The following PTPN21 variants were observed in gnomAD, a reference collection of about 807,000 sequenced individuals.
The protein encoded by PTPN21 is protein tyrosine phosphatase non-receptor type 21.
In PTPN21, 77 loss-of-function variants were observed where a neutral mutation model predicts 131.8. The ratio of observed to expected loss-of-function variants is 0.58; its 90% CI spans 0.49 to 0.71. The LOEUF (loss-of-function observed/expected upper bound fraction) is 0.71, where lower values mean the gene tolerates loss of function less well. Among genes scored for constraint, PTPN21 ranks in the 30% least tolerant of loss-of-function variants. The pLI is 0.00. For missense variants in PTPN21, 1,552 were observed against 1,527.1 expected, an observed-to-expected ratio of 1.02 and a Z score of -0.27; for synonymous variants, 715 against 621.3, an observed-to-expected ratio of 1.15 and a Z score of -2.24.
chr14:88,542,285 A>G (rs2078718021), intron 2 of PTPN21, among the ~76,000 whole-genome samples: 1 of 152,250 alleles, frequency 6.6e-6, no homozygotes, highest in Non-Finnish European at 1.5e-5. Flanking sequence ...CAAAGCTTCT[A>G]GAGATATTAG....
At chr14:88,475,622 G>A (rs2077537966) in intron 13 of PTPN21, among the ~76,000 whole-genome samples, 1 of 152,300 alleles carries the variant, frequency 6.6e-6, no homozygotes, top group East Asian at 1.9e-4. Context: ...TGATGTGCTG[G>A]TAATATTTAA....
At chr14:88,498,871 T>C (rs2077965168) in intron 8 of PTPN21, among the ~76,000 whole-genome samples, 3 of 151,274 alleles carry the variant, frequency 2.0e-5, no homozygotes, top group Admixed American at 6.7e-5. Context: ...AAAGAAAAAA[T>C]TATGGAAGAA....
At chr14:88,515,674 TC>T (rs1436363994) in intron 3 of PTPN21, among the ~76,000 whole-genome samples, 1 of 152,168 alleles carries the variant, frequency 6.6e-6, no homozygotes, top group African/African-American at 2.4e-5. Flanking sequence ...CTGTTCAAGT[TC>T]CCCTTGCCCC....
intron 10 of PTPN21, among the ~76,000 whole-genome samples, chr14:88,487,320 C>CAAAA (rs1367623352): frequency 6.6e-6 from 1 of 152,112 alleles, no homozygotes; most frequent in Non-Finnish European, 1.5e-5. Context: ...CACATAATCA[C>CAAAA]TGATTACAAA....
chr14:88,540,788 G>T (rs1008741710), intron 2 of PTPN21, among the ~76,000 whole-genome samples: 5 of 152,074 alleles, frequency 3.3e-5, no homozygotes, highest in Non-Finnish European at 5.9e-5. Context: ...TCAGCCTCTA[G>T]AGTAGCTGGA....
In PTPN21 at chr14:88,479,300, T is replaced by G. The variant is rs768953998; in HGVS notation, c.2131A>C (p.Ser711Arg). 6.2e-6 allele frequency: 10 copies of G among 1,613,328 alleles called. No individual in the cohort carries two copies. Among genetic ancestry groups the G allele is most frequent in the Non-Finnish European group, 8.5e-6 (10 of 1,179,558 alleles). Residue 711 changes from serine (S) to arginine (R), a missense_variant, in exon 13 of 19, where the codon AGC becomes CGC. Ser to Arg is a moderately radical substitution (Grantham distance 110). Transcript: ENST00000556564. ...AAGTCCTCGTCCTCCTCCTCCTCGC[T>G]GCTGTGGATTAGCATGGTGGCGTCC... ...LSDATMLIHSSEEEEDEDFEE... is the reference protein window; with the variant it reads ...LSDATMLIHSREEEEDEDFEE...
At chr14:88,538,988 T>A (rs2078666939) in intron 2 of PTPN21, among the ~76,000 whole-genome samples, 1 of 152,204 alleles carries the variant, frequency 6.6e-6, no homozygotes, top group South Asian at 2.1e-4. Flanking sequence ...CTTTAAACAG[T>A]ATAAAATTTC....
chr14:88,546,501 G>A (rs1454006287), intron 2 of PTPN21, among the ~76,000 whole-genome samples: 9 of 151,190 alleles, frequency 6.0e-5, no homozygotes, highest in African/African-American at 9.7e-5. Context: ...GCTTGGACCC[G>A]GGAGGCAGAG....
intron 10 of PTPN21, among the ~76,000 whole-genome samples, chr14:88,488,676 C>T (rs1054382909): frequency 3.3e-5 from 5 of 152,120 alleles, no homozygotes; most frequent in Admixed American, 1.3e-4. Context: ...CTGAGCCAGG[C>T]GTGGTGGCAC....
At chr14:88,468,417 A>G (rs2077400261) in intron 18 of PTPN21, 152 bp from the exon 19 acceptor site, 1 of 726,112 alleles carries the variant, frequency 1.4e-6, no homozygotes, top group Non-Finnish European at 2.2e-6. Context: ...ATGATTGCCT[A>G]CTTCTGATTT....
At chr14:88,502,197 C>T (rs2078019788) in intron 6 of PTPN21, among the ~76,000 whole-genome samples, 4 of 152,212 alleles carry the variant, frequency 2.6e-5, no homozygotes, top group Admixed American at 2.0e-4. Context: ...CGATGCTCCC[C>T]GCTGTCCTCA....
rs763057906 is a variant in PTPN21, at chr14:88,479,834, C to G, written c.1597G>C (p.Val533Leu). ...PYPYPAERRP[V>L]VGAVSVPELT... ...TCCGGCACGCTGACCGCGCCCACCACGGGCCGCCGCTCGGCAGGGTAGGGG... is the reference window on the plus strand; with the variant it reads ...TCCGGCACGCTGACCGCGCCCACCAGGGGCCGCCGCTCGGCAGGGTAGGGG... Residue 533 changes from valine to leucine, a missense_variant, in exon 13 of 19, where the codon GTG (valine) becomes CTG (leucine). By Grantham distance (32) the Val-to-Leu change is conservative. Around this residue, in one of 4 missense-constraint regions of PTPN21, gnomAD observed 1,016 missense variants for 883.5 expected, o/e 1.15. Coordinates refer to ENST00000556564, the MANE Select transcript of PTPN21 (RefSeq NM_007039.4). 2 of 1,551,284 alleles carry G rather than the reference C, an allele frequency of 1.3e-6. No homozygotes were observed. Among genetic ancestry groups the G allele is most frequent in the Non-Finnish European group, 1.7e-6 (2 of 1,153,906 alleles).
intron 2 of PTPN21, among the ~76,000 whole-genome samples, chr14:88,535,387 C>T (rs2078615398): frequency 6.6e-6 from 1 of 152,200 alleles, no homozygotes; most frequent in Non-Finnish European, 1.5e-5. Context: ...ATAGCTGCCA[C>T]TAGCATGGTG....
rs960577460 is a variant in PTPN21, at chr14:88,479,201, G to A, written c.2230C>T (p.Pro744Ser). ...EPRPGLAQDP[P>S]GCPRVLLAGP... The stretch of plus-strand genomic sequence containing the variant: ...GCGAGCAGGACGCGAGGGCAGCCAG[G>A]TGGGTCCTGGGCCAGGCCGGGCCGA... The change falls in exon 13 of 19, where the codon CCT becomes TCT. Residue 744 changes from proline to serine, a missense_variant. Coordinates refer to ENST00000556564, the MANE Select transcript of PTPN21 (RefSeq NM_007039.4). 6.3e-7 allele frequency: 1 copy of A among 1,579,908 alleles called. No individual in the cohort carries two copies. Among genetic ancestry groups the A allele is most frequent in the Non-Finnish European group, 8.6e-7 (1 of 1,164,878 alleles).
At chr14:88,487,143 T>C (rs1595360945) in intron 10 of PTPN21, among the ~76,000 whole-genome samples, 1 of 143,942 alleles carries the variant, frequency 6.9e-6, no homozygotes, top group African/African-American at 2.7e-5. Context: ...TAACTATTGT[T>C]TTCAAATAAA....
Position 88,550,215 on chromosome 14 carries a change from T to G in PTPN21, c.180+23A>C, listed in dbSNP as rs766778784. 16 of 1,606,566 alleles carry G rather than the reference T, an allele frequency of 1.0e-5. No individual in the cohort carries two copies. In the African/African-American group the frequency reaches 1.3e-4, roughly 13 times the overall value. ...AGGCTTGAGCCACCCGCGCCTGGCC[T>G]GCAGTGTCTTTAGGTGGCTTACCTC... On this transcript the variant is annotated intron_variant, in intron 2 of 18. Transcript: ENST00000556564.
intron 9 of PTPN21, 110 bp downstream of exon 9, chr14:88,497,093 A>G: frequency 1.1e-6 from 1 of 943,504 alleles, no homozygotes; most frequent in Non-Finnish European, 1.6e-6. Flanking sequence ...CAATTACAAA[A>G]TATTATCATT....
intron 2 of PTPN21, among the ~76,000 whole-genome samples, chr14:88,538,966 G>C (rs2078666451): frequency 6.6e-6 from 1 of 152,068 alleles, no homozygotes; most frequent in South Asian, 2.1e-4. Context: ...TCTTATCATG[G>C]TTTTCTAGTC....
At position 88,478,846 on chromosome 14, in the gene PTPN21, G is replaced by T; in HGVS notation, c.2511+74C>A. ...GAACAAGAGGAGCTGAAAAACACGG[G>T]ACGTGATGAGTGAAAGAAGCGCCAG... On this transcript the variant is annotated intron_variant, in intron 13 of 18. Coordinates refer to ENST00000556564, the MANE Select transcript of PTPN21 (RefSeq NM_007039.4). 3 of 1,011,486 alleles carry T rather than the reference G, an allele frequency of 3.0e-6. No individual in the cohort carries two copies. In the East Asian group the frequency reaches 8.5e-5, roughly 29 times the overall value. The allele number at this position is 1,011,486 out of a possible 1,614,324, so 62.7% of individuals were successfully genotyped here.
Sources: allele counts gnomAD v4.1 joint callset (sites outside exome capture counted in the v4.1 genomes callset), GRCh38; gene constraint gnomAD v4.1.1; regional missense constraint gnomAD v4.1.1; transcripts MANE v1.5; gene names NCBI Gene and HGNC (gene_info 2026-07-23, HGNC 2026-07-21).